Variants in PDSS1 observed in about 807,000 individuals in gnomAD.
PDSS1 encodes the protein decaprenyl diphosphate synthase subunit 1.
PDSS1 carries 43 observed loss-of-function variants against 57.5 expected under a neutral mutation model. The ratio of observed to expected loss-of-function variants is 0.75; its 90% CI spans 0.59 to 0.96. The LOEUF (loss-of-function observed/expected upper bound fraction) is 0.96, where lower values mean the gene tolerates loss of function less well. Ranked by LOEUF, PDSS1 falls within the 50% of genes least tolerant of loss-of-function variation. PDSS1 has a pLI of 0.00. For synonymous variants in PDSS1, 175 were observed against 191.3 expected, an observed-to-expected ratio of 0.91 and a Z score of 0.70; for missense variants, 438 against 527.8, an observed-to-expected ratio of 0.83 and a Z score of 1.67.
intron 8 of PDSS1, among the ~76,000 whole-genome samples, chr10:26,729,955 C>T (rs1836115740): frequency 7.1e-6 from 1 of 141,270 alleles, no homozygotes; most frequent in South Asian, 2.3e-4. Context: ...CTCTTTCGCC[C>T]AGGCCGGAGT....
intron 2 of PDSS1, 27 bp from the exon 3 acceptor site, chr10:26,704,650 A>G (rs1835151256): frequency 2.1e-6 from 2 of 944,876 alleles, no homozygotes; most frequent in Non-Finnish European, 3.5e-6. Flanking sequence ...ATATTCTTAC[A>G]AGTTTCTTGA....
chr10:26,741,215 T>C (rs1045945234), intron 10 of PDSS1, among the ~76,000 whole-genome samples: 1 of 152,164 alleles, frequency 6.6e-6, no homozygotes, highest in Non-Finnish European at 1.5e-5. Flanking sequence ...CCAGGCGCGG[T>C]GGCTCACACC....
intron 10 of PDSS1, among the ~76,000 whole-genome samples, chr10:26,741,679 T>C (rs577176181): frequency 6.6e-6 from 1 of 152,208 alleles, no homozygotes; most frequent in African/African-American, 2.4e-5. Flanking sequence ...GTAGAATGCC[T>C]AATTCCCATC....
At chr10:26,707,580 T>C (rs1450176489) in intron 4 of PDSS1, among the ~76,000 whole-genome samples, 1 of 152,172 alleles carries the variant, frequency 6.6e-6, no homozygotes, top group East Asian at 1.9e-4. Context: ...CTCTGCACTT[T>C]GTTCCCCCTC....
intron 5 of PDSS1, among the ~76,000 whole-genome samples, chr10:26,710,447 G>A (rs1185142164): frequency 1.1e-5 from 1 of 91,998 alleles, no homozygotes; most frequent in Middle Eastern, 6.3e-3. Flanking sequence ...GGGTTTCACC[G>A]TGTTAGCCAG....
chr10:26,740,536 C>A (rs1260540372), intron 10 of PDSS1: 2 of 434,212 alleles, frequency 4.6e-6, no homozygotes, highest in East Asian at 7.1e-5. Flanking sequence ...AAAATTATTT[C>A]TTTGTCTGTG....
chr10:26,740,727 C>A (rs1023324205), intron 10 of PDSS1: 22 of 456,480 alleles, frequency 4.8e-5, no homozygotes, highest in Non-Finnish European at 9.7e-5. Flanking sequence ...TCCGTGGAGC[C>A]ATAGACTGTT....
At chr10:26,741,925 A>G (rs932344818) in intron 10 of PDSS1, among the ~76,000 whole-genome samples, 1 of 152,114 alleles carries the variant, frequency 6.6e-6, no homozygotes, top group Non-Finnish European at 1.5e-5. Context: ...TCCAAGGTAG[A>G]GTGCAATGGC....
At chr10:26,734,284 C>T (rs1319613978) in intron 8 of PDSS1, among the ~76,000 whole-genome samples, 1 of 152,154 alleles carries the variant, frequency 6.6e-6, no homozygotes, top group East Asian at 1.9e-4. Flanking sequence ...ACAGGGTTTC[C>T]TAGCATCCGC....
chr10:26,742,647 T>G (rs904620701), intron 11 of PDSS1, 70 bp downstream of exon 11: 1 of 838,122 alleles, frequency 1.2e-6, no homozygotes, highest in African/African-American at 1.7e-5. Flanking sequence ...TCCAAAAATG[T>G]AACATTAACT....
chr10:26,709,456 G>A (rs185348730), intron 4 of PDSS1, among the ~76,000 whole-genome samples, 182 bp from the exon 5 acceptor site: 36 of 152,118 alleles, frequency 2.4e-4, no homozygotes, highest in Admixed American at 1.6e-3. Flanking sequence ...AGCTGCTTGC[G>A]GGGCTGAGGC....
chr10:26,709,909 C>G, intron 5 of PDSS1, 141 bp downstream of exon 5: 2 of 886,788 alleles, frequency 2.3e-6, no homozygotes, highest in East Asian at 2.6e-5. Flanking sequence ...TCCCAGCATT[C>G]TGGGAGCCTG....
chr10:26,733,517 T>C (rs911272295), intron 8 of PDSS1, among the ~76,000 whole-genome samples: 17 of 152,280 alleles, frequency 1.1e-4, no homozygotes, highest in Admixed American at 2.6e-4. Flanking sequence ...TACCATGTAC[T>C]TATGGCCAAG....
chr10:26,740,346 G>T (rs1355827277), intron 10 of PDSS1, among the ~76,000 whole-genome samples: 1 of 152,058 alleles, frequency 6.6e-6, no homozygotes, highest in Non-Finnish European at 1.5e-5. Context: ...TTTTACCGTA[G>T]AAGTTGATTT....
intron 6 of PDSS1, among the ~76,000 whole-genome samples, chr10:26,721,453 C>CAT (rs990899596): frequency 1.5e-4 from 22 of 151,426 alleles, no homozygotes; most frequent in African/African-American, 2.4e-4. Flanking sequence ...CACACACATA[C>CAT]ATATATATAT....
intron 8 of PDSS1, among the ~76,000 whole-genome samples, chr10:26,732,380 G>T (rs1308076100): frequency 6.6e-6 from 1 of 152,178 alleles, no homozygotes; most frequent in Non-Finnish European, 1.5e-5. Flanking sequence ...GGCAGAAGCT[G>T]CCCACTAAAT....
chr10:26,707,259 TTAGTGTG>T (rs1835264103), intron 4 of PDSS1, among the ~76,000 whole-genome samples: 1 of 152,194 alleles, frequency 6.6e-6, no homozygotes, highest in Non-Finnish European at 1.5e-5. Context: ...ATTTTGCCTC[TTAGTGTG>T]CATGGTTGAG....
intron 8 of PDSS1, among the ~76,000 whole-genome samples, chr10:26,729,124 A>G (rs748659692): frequency 6.6e-6 from 1 of 152,012 alleles, no homozygotes; most frequent in Non-Finnish European, 1.5e-5. Context: ...TTATTTTAAT[A>G]CTCAATTATC....
intron 8 of PDSS1, among the ~76,000 whole-genome samples, chr10:26,725,002 G>T (rs921878514): frequency 6.6e-6 from 1 of 151,788 alleles, no homozygotes; most frequent in Non-Finnish European, 1.5e-5. Context: ...CCCTCCCTCC[G>T]CTGTGCATAC....
Sources: allele counts gnomAD v4.1 joint callset (sites outside exome capture counted in the v4.1 genomes callset), GRCh38; gene constraint gnomAD v4.1.1; transcripts MANE v1.5; gene names NCBI Gene and HGNC (gene_info 2026-07-23, HGNC 2026-07-21).